The following PLCL2 variants were observed in gnomAD, a reference collection of about 807,000 sequenced individuals.
PLCL2 encodes inactive phospholipase C-like protein 2.
A neutral mutation model predicts 79.6 loss-of-function variants in PLCL2; 4 were observed. The ratio of observed to expected loss-of-function variants is 0.05; its 90% CI spans 0.02 to 0.11. The LOEUF (loss-of-function observed/expected upper bound fraction) is 0.11. Among genes scored for constraint, PLCL2 ranks in the 10% least tolerant of loss-of-function variants. PLCL2 has a pLI of 1.00. For missense variants in PLCL2, 895 were observed against 1,291.0 expected (o/e 0.69, Z 4.70); for synonymous variants, 484 against 457.7 (o/e 1.06, Z -0.73).
chr3:17,059,441 T>TACA (rs59512357), intron 4 of PLCL2, among the ~76,000 whole-genome samples: 1 of 127,046 alleles, frequency 7.9e-6, no homozygotes, highest in Non-Finnish European at 1.6e-5. Context: ...TATATATATA[T>TACA]GTGTGTGTGT....
chr3:16,956,063 A>G (rs2063702016), intron 1 of PLCL2, among the ~76,000 whole-genome samples: 1 of 152,140 alleles, frequency 6.6e-6, no homozygotes, highest in African/African-American at 2.4e-5. Context: ...TTCCAACACT[A>G]TGTTGAATAG....
intron 5 of PLCL2, among the ~76,000 whole-genome samples, chr3:17,086,399 A>C (rs1231264188): frequency 6.6e-6 from 1 of 152,228 alleles, no homozygotes; most frequent in Non-Finnish European, 1.5e-5. Flanking sequence ...AATTCAGTCT[A>C]GGCACAAATC....
intron 3 of PLCL2, among the ~76,000 whole-genome samples, chr3:17,023,930 T>C (rs920976126): frequency 3.9e-5 from 6 of 152,282 alleles, no homozygotes; most frequent in African/African-American, 1.4e-4. Flanking sequence ...AAATAACTTA[T>C]TGACACCATC....
chr3:16,962,769 G>T (rs1333219292), intron 1 of PLCL2, among the ~76,000 whole-genome samples: 1 of 151,954 alleles, frequency 6.6e-6, no homozygotes, highest in African/African-American at 2.4e-5. Context: ...TAAAAGATTT[G>T]GAAAAAAATT....
At chr3:17,014,606 G>A (rs2064363324) in intron 2 of PLCL2, 102 bp from the exon 3 acceptor site, 2 of 889,658 alleles carry the variant, frequency 2.2e-6, no homozygotes, top group African/African-American at 1.6e-5. Context: ...AATAACTTTT[G>A]TACCAGGTGG....
At chr3:17,041,585 C>A (rs1391402721) in intron 3 of PLCL2, among the ~76,000 whole-genome samples, 1 of 152,044 alleles carries the variant, frequency 6.6e-6, no homozygotes, top group Non-Finnish European at 1.5e-5. Flanking sequence ...GCAAATAATC[C>A]AACCTGCATA....
intron 3 of PLCL2, among the ~76,000 whole-genome samples, chr3:17,034,722 G>A (rs537441842): frequency 2.0e-5 from 3 of 152,178 alleles, no homozygotes; most frequent in Non-Finnish European, 2.9e-5. Context: ...GAAATACGCT[G>A]TGGAAACTTA....
chr3:16,959,606 A>T (rs2063737072), intron 1 of PLCL2, among the ~76,000 whole-genome samples: 1 of 151,930 alleles, frequency 6.6e-6, no homozygotes, highest in Non-Finnish European at 1.5e-5. Context: ...CCTCCTGTCC[A>T]TGCTCTTTTC....
intron 1 of PLCL2, among the ~76,000 whole-genome samples, chr3:16,966,357 A>G (rs9858664): frequency 0.31 from 47,604 of 151,370 alleles, 7,876 homozygotes; most frequent in Non-Finnish European, 0.33. Flanking sequence ...CTTGCATCCC[A>G]GGGATGAAGC....
intron 1 of PLCL2, among the ~76,000 whole-genome samples, chr3:16,988,493 C>G (rs1178219497): frequency 1.3e-5 from 2 of 152,048 alleles, no homozygotes; most frequent in Admixed American, 6.6e-5. Context: ...CTCTTGAGTT[C>G]TATGAAGCCA....
intron 1 of PLCL2, among the ~76,000 whole-genome samples, chr3:16,959,835 G>A (rs187467178): frequency 2.0e-5 from 3 of 152,336 alleles, no homozygotes; most frequent in Non-Finnish European, 4.4e-5. Flanking sequence ...ACCGGGTGCT[G>A]TGGCTCATGC....
chr3:17,035,472 G>C (rs758178137), intron 3 of PLCL2, among the ~76,000 whole-genome samples: 3 of 152,038 alleles, frequency 2.0e-5, no homozygotes, highest in Non-Finnish European at 2.9e-5. Context: ...ATCAGCCTTG[G>C]AGTCCTCCTC....
At chr3:17,024,865 G>A (rs556640113) in intron 3 of PLCL2, among the ~76,000 whole-genome samples, 18 of 152,232 alleles carry the variant, frequency 1.2e-4, no homozygotes, top group East Asian at 3.9e-4. Flanking sequence ...GCACAGAGGC[G>A]GCTGTGCCAG....
chr3:16,991,341 T>C (rs1033594892), intron 1 of PLCL2, among the ~76,000 whole-genome samples: 1 of 152,204 alleles, frequency 6.6e-6, no homozygotes, highest in Non-Finnish European at 1.5e-5. Flanking sequence ...TGGGCACAAC[T>C]GCATTTAACG....
In PLCL2 at chr3:16,954,650, A is replaced by C. The variant is rs565236424; in HGVS notation, c.328-55024A>C. ...TAGTTTACAGTCCCACCAACAGTGTAAAAGTGTTCCTATTTCTCCACATCC... is the reference window on the plus strand; with the variant it reads ...TAGTTTACAGTCCCACCAACAGTGTCAAAGTGTTCCTATTTCTCCACATCC... On this transcript the variant is annotated intron_variant, in intron 1 of 5. Coordinates refer to ENST00000615277, the MANE Select transcript of PLCL2 (RefSeq NM_001144382.2). Among the ~76,000 whole-genome samples the C allele has an allele frequency of 4.2e-3, 642 of 152,230 alleles. 2 individuals carry two copies. The highest frequency in any genetic ancestry group is 0.015 in the African/African-American group (617 of 41,508).
chr3:17,075,545 TAAAAA>T (rs61190858), intron 5 of PLCL2, among the ~76,000 whole-genome samples: 1 of 129,766 alleles, frequency 7.7e-6, no homozygotes, highest in Non-Finnish European at 1.6e-5. Flanking sequence ...CTTCAATGTG[TAAAAA>T]AAAAAAAAAA....
intron 3 of PLCL2, 88 bp from the exon 4 acceptor site, chr3:17,042,786 C>A: frequency 3.4e-6 from 3 of 873,700 alleles, no homozygotes; most frequent in Non-Finnish European, 5.7e-6. Flanking sequence ...ATCACATCAG[C>A]CTGTTTTAGG....
chr3:16,934,234 T>C (rs2124945048), intron 1 of PLCL2, among the ~76,000 whole-genome samples: 1 of 152,224 alleles, frequency 6.6e-6, no homozygotes. Context: ...TGGCCAGTGC[T>C]GTGGTTTTGG....
intron 1 of PLCL2, among the ~76,000 whole-genome samples, chr3:16,929,999 A>G (rs1354774211): frequency 6.6e-6 from 1 of 152,178 alleles, no homozygotes; most frequent in Non-Finnish European, 1.5e-5. Flanking sequence ...ATGGAGAAGT[A>G]TCGTGGGAGG....
Sources: gnomAD v4.1 joint callset for allele counts (sites outside exome capture counted in the v4.1 genomes callset) on GRCh38, gnomAD v4.1.1 for gene constraint, MANE v1.5 for transcripts, NCBI Gene and HGNC (gene_info 2026-07-23, HGNC 2026-07-21) for gene names.